The following CCDC3 variants were observed in gnomAD, a reference collection of about 807,000 sequenced individuals.
The protein encoded by CCDC3 is coiled-coil domain containing 3, also known as coiled-coil domain-containing protein 3.
In CCDC3, 24 loss-of-function variants were observed where a neutral mutation model predicts 21.4. The ratio of observed to expected loss-of-function variants is 1.12; its 90% CI spans 0.81 to 1.58. CCDC3 has a LOEUF of 1.58. Ranked by LOEUF, CCDC3 falls within the 40% of genes most tolerant of loss-of-function variation. CCDC3 has a pLI of 0.00. For synonymous variants in CCDC3, 186 were observed against 166.0 expected, an observed-to-expected ratio of 1.12 and a Z score of -0.93; for missense variants, 425 against 360.9, an observed-to-expected ratio of 1.18 and a Z score of -1.44.
At chr10:12,945,305 A>G (rs1326463222) in intron 2 of CCDC3, among the ~76,000 whole-genome samples, 1 of 152,178 alleles carries the variant, frequency 6.6e-6, no homozygotes, top group East Asian at 1.9e-4. Flanking sequence ...AGTAAGATGA[A>G]TTTTCAGAAA....
intron 5 of CCDC3, among the ~76,000 whole-genome samples, chr10:13,017,115 C>T (rs1024688595): frequency 7.9e-5 from 12 of 152,038 alleles, no homozygotes; most frequent in Non-Finnish European, 1.5e-4. Context: ...CTGGTGTCCT[C>T]GCTCTACGGT....
intron 3 of CCDC3, among the ~76,000 whole-genome samples, chr10:13,076,151 CA>C (rs1836962193): frequency 6.6e-6 from 1 of 152,174 alleles, no homozygotes; most frequent in Non-Finnish European, 1.5e-5. Context: ...ATGGCTAACT[CA>C]GTATGGGCAG....
chr10:12,912,458 T>C (rs1039228777), intron 2 of CCDC3, among the ~76,000 whole-genome samples: 1 of 152,252 alleles, frequency 6.6e-6, no homozygotes, highest in Non-Finnish European at 1.5e-5. Flanking sequence ...GCCCATTTTT[T>C]AAATCAGGTT....
chr10:12,922,546 TG>T (rs1482038495), intron 2 of CCDC3, among the ~76,000 whole-genome samples: 1 of 152,222 alleles, frequency 6.6e-6, no homozygotes, highest in Non-Finnish European at 1.5e-5. Context: ...TCCCAGCACC[TG>T]GAAGGCCATC....
rs11258182 is a variant in CCDC3, at chr10:13,088,925, A to G, written c.-503+9600T>C. ...CTCAGGAGGGTGAGGCAGGAGAATCATTTGAACCCTAGAGGCAAAGGTTGT... is the reference window on the plus strand; with the variant it reads ...CTCAGGAGGGTGAGGCAGGAGAATCGTTTGAACCCTAGAGGCAAAGGTTGT... On this transcript the variant is annotated intron_variant, in intron 3 of 6. Transcript: ENST00000378839. Among the ~76,000 whole-genome samples, 50 of 151,940 alleles carry G rather than the reference A, an allele frequency of 3.3e-4. No homozygotes were observed. In the East Asian group the frequency reaches 9.1e-3, roughly 28 times the overall value.
intron 2 of CCDC3, among the ~76,000 whole-genome samples, chr10:12,936,545 TTGATTTTC>T (rs1324919494): frequency 6.6e-6 from 1 of 152,136 alleles, no homozygotes; most frequent in Non-Finnish European, 1.5e-5. Context: ...TATTTTATCT[TTGATTTTC>T]TGAAGTTTGA....
chr10:12,960,090 G>A lies in CCDC3; in HGVS notation c.549+38248C>T, dbSNP rs1835156189. Among the ~76,000 whole-genome samples, 2 of 151,934 alleles carry A rather than the reference G, an allele frequency of 1.3e-5. 1 individual carries two copies. The highest frequency in any genetic ancestry group is 4.1e-4 in the South Asian group (2 of 4,824). ...AATCACTTGAACCTGGGAGGCAGAGGTTGCAGTGAGCCGAGATCGTGCCAC... is the reference window on the plus strand; with the variant it reads ...AATCACTTGAACCTGGGAGGCAGAGATTGCAGTGAGCCGAGATCGTGCCAC... On this transcript the variant is annotated intron_variant, in intron 2 of 2. Coordinates refer to ENST00000378825, the MANE Select transcript of CCDC3 (RefSeq NM_031455.4).
At chr10:13,048,865 C>T (rs1324641711) in intron 5 of CCDC3, among the ~76,000 whole-genome samples, 1 of 152,038 alleles carries the variant, frequency 6.6e-6, no homozygotes, top group East Asian at 1.9e-4. Flanking sequence ...AAACATATGC[C>T]TGTCTTTCAT....
chr10:13,075,447 G>GT (rs34089311), intron 3 of CCDC3, among the ~76,000 whole-genome samples: 15 of 150,142 alleles, frequency 1.0e-4, no homozygotes, highest in South Asian at 6.3e-4. Flanking sequence ...TTGTTTTTTT[G>GT]TTTTTTTTTT....
At chr10:12,952,631 C>T (rs567546586) in intron 2 of CCDC3, among the ~76,000 whole-genome samples, 2 of 152,142 alleles carry the variant, frequency 1.3e-5, no homozygotes, top group African/African-American at 2.4e-5. Context: ...CATTGATGAA[C>T]GAATCCGAAT....
intron 2 of CCDC3, among the ~76,000 whole-genome samples, chr10:12,990,828 A>G (rs1019884630): frequency 6.6e-6 from 1 of 152,252 alleles, no homozygotes; most frequent in African/African-American, 2.4e-5. Context: ...TAAGAAATCC[A>G]TTCAAAGTAC....
rs115934384 is a variant in CCDC3, at chr10:12,918,775, C to T, written c.550-20096G>A. 8.4e-3 allele frequency among the ~76,000 whole-genome samples: 1,271 copies of T among 152,188 alleles called. 24 individuals are homozygous for T. Among genetic ancestry groups the T allele is most frequent in the African/African-American group, 0.028 (1,176 of 41,512 alleles). On this transcript the variant is annotated intron_variant, in intron 2 of 2. Transcript: ENST00000378825. ...TAGAAAAAAAAGACACCAAGTTGGC[C>T]GGGCACGGTGGCTCATGCCTGTAAT...
At chr10:12,957,629 TAGTG>T (rs1225998863) in intron 2 of CCDC3, among the ~76,000 whole-genome samples, 2 of 152,168 alleles carry the variant, frequency 1.3e-5, no homozygotes, top group Non-Finnish European at 2.9e-5. Flanking sequence ...GTCCTCACGA[TAGTG>T]AGAGTTCTCT....
At position 13,048,411 on chromosome 10, in the gene CCDC3, C is replaced by T. The variant is rs1368601142; in HGVS notation, c.-2+1263G>A. On this transcript the variant is annotated intron_variant, in intron 5 of 6. Coordinates refer to the CCDC3 transcript ENST00000378839. ...GTTTCACCATGTTGGCCAGGACAGT[C>T]TTGATTTCCTGACCTTGTGATCTGC... is the stretch of plus-strand genomic sequence containing the variant. 2.0e-5 allele frequency among the ~76,000 whole-genome samples: 3 copies of T among 152,120 alleles called. No homozygotes were observed. In the East Asian group the frequency reaches 5.8e-4, roughly 29 times the overall value.
In CCDC3 at chr10:12,958,038, G is replaced by A. The variant is rs367765559; in HGVS notation, c.549+40300C>T. On this transcript the variant is annotated intron_variant, in intron 2 of 2. Transcript: ENST00000378825. Reference sequence around the variant, plus strand: ...GACGGGGTTTCACCATGTTGGCCAGGCTCGGTTCCAACTCCTGACCTCAGG... The same window carrying A: ...GACGGGGTTTCACCATGTTGGCCAGACTCGGTTCCAACTCCTGACCTCAGG... 5.3e-5 allele frequency among the ~76,000 whole-genome samples: 8 copies of A among 152,036 alleles called. No homozygotes were observed. The East Asian group carries it at 1.2e-3, about 22-fold the overall frequency.
intron 2 of CCDC3, among the ~76,000 whole-genome samples, chr10:12,974,431 T>C (rs1835386620): frequency 6.6e-6 from 1 of 152,200 alleles, no homozygotes; most frequent in Non-Finnish European, 1.5e-5. Flanking sequence ...AGTTGTTATC[T>C]CCAGGAGCAG....
chr10:12,988,965 AAGCAGGGAGT>A (rs1303175007), intron 2 of CCDC3, among the ~76,000 whole-genome samples: 2 of 152,250 alleles, frequency 1.3e-5, no homozygotes, highest in Non-Finnish European at 2.9e-5. Context: ...TTCACCTAGA[AAGCAGGGAGT>A]AGCACGATTA....
intron 3 of CCDC3, among the ~76,000 whole-genome samples, chr10:13,080,239 G>A (rs1263566654): frequency 1.3e-5 from 2 of 152,198 alleles, no homozygotes; most frequent in Admixed American, 1.3e-4. Context: ...AAGAGAGATA[G>A]AGGGAGAGAA....
chr10:13,064,538 A>T, intron 4 of CCDC3, among the ~76,000 whole-genome samples: 1 of 152,258 alleles, frequency 6.6e-6, no homozygotes, highest in East Asian at 1.9e-4. Context: ...ACTTTTATAC[A>T]TTCTAGGGAG....
Sources: allele counts gnomAD v4.1 joint callset (sites outside exome capture counted in the v4.1 genomes callset), GRCh38; gene constraint gnomAD v4.1.1; transcripts MANE v1.5; gene names NCBI Gene and HGNC (gene_info 2026-07-23, HGNC 2026-07-21).